Variants in MGAT5B observed in about 807,000 individuals in gnomAD.
MGAT5B encodes alpha-1,6-mannosylglycoprotein 6-beta-N-acetylglucosaminyltransferase B.
Under a neutral mutation model 95.1 loss-of-function variants are expected in MGAT5B, and 54 were observed. The observed-to-expected ratio is 0.57, with a 90% confidence interval of 0.46 to 0.71. The LOEUF (loss-of-function observed/expected upper bound fraction) is 0.71, where lower values mean the gene tolerates loss of function less well. Among genes scored for constraint, MGAT5B ranks in the 30% least tolerant of loss-of-function variants. The pLI, the probability that MGAT5B is intolerant of heterozygous loss-of-function variation, is 0.00. For synonymous variants in MGAT5B, 464 were observed against 451.0 expected (o/e 1.03, Z -0.36); for missense variants, 935 against 1,088.6 (o/e 0.86, Z 1.99).
At chr17:76,892,357 G>T (rs548538282) in intron 3 of MGAT5B, among the ~76,000 whole-genome samples, 7 of 152,336 alleles carry the variant, frequency 4.6e-5, no homozygotes, top group Middle Eastern at 3.4e-3. Flanking sequence ...CAGGTAGGAA[G>T]TCTTTAGAAG....
intron 10 of MGAT5B, 101 bp from the exon 11 acceptor site, chr17:76,932,544 C>T: frequency 6.5e-7 from 1 of 1,545,142 alleles, no homozygotes; most frequent in South Asian, 1.2e-5. Context: ...CCTTTCCCAC[C>T]CCTGCCAAAA....
Position 76,904,350 on chromosome 17 carries a change from G to A in MGAT5B, c.618G>A (p.Trp206Ter). ...TCATCTACCTCAGTGAGGTCGAGTG[G>A]TTCTGCCCCCCGCTGCCCTGGAGGA... is the stretch of plus-strand genomic sequence containing the variant. ...SFLIYLSEVE[W>*]FCPPLPWRNQ... The change falls in exon 6 of 18, where the codon TGG becomes TGA. Residue 206 changes from tryptophan (W) to a stop codon, truncating the protein, a stop_gained. Coordinates refer to ENST00000569840, the MANE Select transcript of MGAT5B (RefSeq NM_001199172.2). LOFTEE classifies it high-confidence loss of function. 1 of 1,596,314 alleles carries A rather than the reference G, an allele frequency of 6.3e-7. No individual in the cohort carries two copies. The highest frequency in any genetic ancestry group is 1.1e-5 in the South Asian group (1 of 88,006).
chr17:76,921,449 G>A (rs979096888), intron 8 of MGAT5B, among the ~76,000 whole-genome samples: 1 of 152,094 alleles, frequency 6.6e-6, no homozygotes, highest in Non-Finnish European at 1.5e-5. Flanking sequence ...TCAGCAGGGG[G>A]CCCCTTTTCC....
intron 4 of MGAT5B, 116 bp downstream of exon 4, chr17:76,902,786 C>G: frequency 1.2e-6 from 1 of 813,618 alleles, no homozygotes; most frequent in Non-Finnish European, 1.9e-6. Flanking sequence ...CTGACAGCAG[C>G]TCTGCTGGCT....
At chr17:76,882,859 C>T (rs577642348) in intron 3 of MGAT5B, among the ~76,000 whole-genome samples, 24 of 150,554 alleles carry the variant, frequency 1.6e-4, no homozygotes, top group African/African-American at 4.9e-4. Context: ...GGACTACAGG[C>T]GCCCACCACC....
intron 3 of MGAT5B, among the ~76,000 whole-genome samples, chr17:76,897,210 C>A (rs1246573848): frequency 1.3e-5 from 2 of 152,182 alleles, no homozygotes; most frequent in Non-Finnish European, 2.9e-5. Flanking sequence ...AACCTCTGGG[C>A]CTGGTCCTGG....
chr17:76,923,208 C>T (rs2145232479), intron 8 of MGAT5B, among the ~76,000 whole-genome samples: 1 of 152,306 alleles, frequency 6.6e-6, no homozygotes, highest in Admixed American at 6.5e-5. Context: ...TCCACCTGGC[C>T]TGAATGGTTT....
Position 76,869,106 on chromosome 17 carries a change from C to T in MGAT5B, c.68+9C>T, listed in dbSNP as rs561728462. On this transcript the variant is annotated intron_variant, in intron 1 of 17. Coordinates refer to ENST00000569840, the MANE Select transcript of MGAT5B (RefSeq NM_001199172.2). This position sits in a 1 kb window ranked among gnomAD's most constrained non-coding sequence, Gnocchi z 7.0. ...ACCCTGAGACCCTTTCGGTAAAGTTCCCTCCTGGTTGGTTTTTTCCCCAGG... is the reference window on the plus strand; with the variant it reads ...ACCCTGAGACCCTTTCGGTAAAGTTTCCTCCTGGTTGGTTTTTTCCCCAGG... The T allele has an allele frequency of 4.3e-6, 7 of 1,613,846 alleles. No homozygotes were observed. The Admixed American group carries it at 1.0e-4, about 23-fold the overall frequency.
Position 76,905,257 on chromosome 17 carries a change from G to A in MGAT5B, c.779G>A (p.Arg260Lys), listed in dbSNP as rs1231845694. Residue 260 changes from arginine (R) to lysine (K), a missense_variant, in exon 7 of 18, where the codon AGG becomes AAG. Physicochemically the swap from Arg to Lys is conservative, Grantham distance 26 (BLOSUM62 2). Coordinates refer to ENST00000569840, the MANE Select transcript of MGAT5B (RefSeq NM_001199172.2). This position sits in a 1 kb window ranked among gnomAD's most constrained non-coding sequence, Gnocchi z 4.2. Reference sequence around the variant, plus strand: ...ATCTTCATGAAGAAGCGGACCAAGAGGCTCACAGCCCAGTGGGCGCTGGCT... The same window carrying A: ...ATCTTCATGAAGAAGCGGACCAAGAAGCTCACAGCCCAGTGGGCGCTGGCT... ...SLIFMKKRTK[R>K]LTAQWALAAQ... The A allele has an allele frequency of 6.2e-7, 1 of 1,612,748 alleles. No homozygotes were observed. Among genetic ancestry groups the A allele is most frequent in the African/African-American group, 1.3e-5 (1 of 74,928 alleles).
At chr17:76,935,716 G>A (rs1027668978) in intron 12 of MGAT5B, among the ~76,000 whole-genome samples, 1 of 144,328 alleles carries the variant, frequency 6.9e-6, no homozygotes, top group Non-Finnish European at 1.5e-5. Context: ...ATATATCCTG[G>A]ATCCAAGTCT....
chr17:76,882,350 C>G (rs1483179306), intron 3 of MGAT5B, 52 bp downstream of exon 3: 9 of 1,546,118 alleles, frequency 5.8e-6, no homozygotes, highest in Non-Finnish European at 7.9e-6. Flanking sequence ...GTGGCACCTG[C>G]CACTCCATCC....
chr17:76,932,555 G>T, intron 10 of MGAT5B, 90 bp from the exon 11 acceptor site: 4 of 1,539,598 alleles, frequency 2.6e-6, no homozygotes, highest in Admixed American at 1.9e-5. Context: ...CCTGCCAAAA[G>T]AGGACCTCTT....
At chr17:76,922,546 T>C (rs1280658768) in intron 8 of MGAT5B, among the ~76,000 whole-genome samples, 1 of 152,234 alleles carries the variant, frequency 6.6e-6, no homozygotes, top group African/African-American at 2.4e-5. Context: ...GCAGAATTTG[T>C]TCAACACTTA....
At chr17:76,939,029 G>GGGGGTGTGTGTGT (rs1237086611) in intron 13 of MGAT5B, among the ~76,000 whole-genome samples, 3 of 128,188 alleles carry the variant, frequency 2.3e-5, no homozygotes, top group Non-Finnish European at 4.8e-5. Flanking sequence ...GCATCTTGGG[G>GGGGGTGTGTGTGT]GTGTGTGTGT....
chr17:76,935,448 A>G (rs1598992245), intron 12 of MGAT5B, among the ~76,000 whole-genome samples: 1 of 152,296 alleles, frequency 6.6e-6, no homozygotes, highest in African/African-American at 2.4e-5. Context: ...GAGGCTTTCA[A>G]TTCTTGAACA....
chr17:76,871,679 G>A (rs1259675038), intron 1 of MGAT5B, among the ~76,000 whole-genome samples: 2 of 152,276 alleles, frequency 1.3e-5, no homozygotes, highest in East Asian at 3.9e-4. Flanking sequence ...TGAGGGCGGG[G>A]AGTGGAGGGG....
intron 3 of MGAT5B, among the ~76,000 whole-genome samples, chr17:76,883,065 T>C (rs1180316941): frequency 6.6e-6 from 1 of 152,026 alleles, no homozygotes; most frequent in Non-Finnish European, 1.5e-5. Flanking sequence ...TGGCACGATC[T>C]TGGCTCACTG....
chr17:76,926,188 CT>C (rs1969306517), intron 9 of MGAT5B, among the ~76,000 whole-genome samples: 1 of 152,134 alleles, frequency 6.6e-6, no homozygotes, highest in Admixed American at 6.5e-5. Context: ...GGGTGTCAGG[CT>C]CCTGAGAAGA....
chr17:76,898,974 C>T (rs1024936040), intron 3 of MGAT5B, among the ~76,000 whole-genome samples: 11 of 152,206 alleles, frequency 7.2e-5, no homozygotes, highest in African/African-American at 2.7e-4. Flanking sequence ...CTGGAGGACT[C>T]AGGACTCCAT....
Sources: gnomAD v4.1 joint callset for allele counts (sites outside exome capture counted in the v4.1 genomes callset) on GRCh38, gnomAD v4.1.1 for gene constraint, Gnocchi (gnomAD v3.1) non-coding constraint, MANE v1.5 for transcripts, NCBI Gene and HGNC (gene_info 2026-07-23, HGNC 2026-07-21) for gene names.